Variants in CPNE4 observed in about 807,000 individuals in gnomAD.
CPNE4 encodes copine-4.
CPNE4 carries 25 observed loss-of-function variants against 67.9 expected under a neutral mutation model. That is an observed-to-expected ratio of 0.37 (90% confidence interval 0.27 to 0.51). The LOEUF (loss-of-function observed/expected upper bound fraction) is 0.51. CPNE4 is among the 20% of genes least tolerant of loss of function. The pLI is 0.93. For missense variants in CPNE4, 464 were observed against 690.8 expected, an observed-to-expected ratio of 0.67 and a Z score of 3.68; for synonymous variants, 242 against 244.9, an observed-to-expected ratio of 0.99 and a Z score of 0.11.
intron 2 of CPNE4, among the ~76,000 whole-genome samples, chr3:131,736,224 T>G (rs2082231378): frequency 6.6e-6 from 1 of 152,244 alleles, no homozygotes; most frequent in African/African-American, 2.4e-5. Context: ...CATCCACTCC[T>G]TCTGCCCTAT....
rs138682547 is a variant in CPNE4, at chr3:131,730,813, G to T, written c.181-7188C>A. On this transcript the variant is annotated intron_variant, in intron 2 of 15. Coordinates refer to ENST00000429747, the MANE Select transcript of CPNE4 (RefSeq NM_130808.3). ...AATTTCTTCCTAGTAACCCCAGAGAGAACCAGTTCTGCTGACATTCTGATG... is the reference window on the plus strand; with the variant it reads ...AATTTCTTCCTAGTAACCCCAGAGATAACCAGTTCTGCTGACATTCTGATG... Among the ~76,000 whole-genome samples, 388 of 152,236 alleles carry T rather than the reference G, an allele frequency of 2.5e-3. 2 individuals are homozygous for T. Among genetic ancestry groups the T allele is most frequent in the Non-Finnish European group, 4.7e-3 (323 of 68,018 alleles).
intron 1 of CPNE4, among the ~76,000 whole-genome samples, chr3:132,015,615 T>C (rs1219034459): frequency 6.6e-6 from 1 of 152,164 alleles, no homozygotes; most frequent in African/African-American, 2.4e-5. Flanking sequence ...GAAATGTGTA[T>C]CCTAAGCAGC....
intron 2 of CPNE4, among the ~76,000 whole-genome samples, chr3:131,848,015 T>C (rs1340595614): frequency 6.6e-6 from 1 of 152,208 alleles, no homozygotes; most frequent in Non-Finnish European, 1.5e-5. Flanking sequence ...AAGACTTGTA[T>C]GTCCACTTTT....
chr3:131,589,474 G>GT (rs1252832806), intron 7 of CPNE4, among the ~76,000 whole-genome samples: 22 of 152,194 alleles, frequency 1.4e-4, no homozygotes, highest in African/African-American at 5.3e-4. Context: ...CGATTGGATA[G>GT]TGCCCACCCA....
At chr3:131,977,506 A>G (rs903321139) in intron 1 of CPNE4, among the ~76,000 whole-genome samples, 1 of 152,024 alleles carries the variant, frequency 6.6e-6, no homozygotes, top group Non-Finnish European at 1.5e-5. Flanking sequence ...TTTGACAATC[A>G]CCCAAAAAAG....
At chr3:131,913,957 G>A (rs2089083577) in intron 1 of CPNE4, among the ~76,000 whole-genome samples, 1 of 152,176 alleles carries the variant, frequency 6.6e-6, no homozygotes, top group Admixed American at 6.6e-5. Flanking sequence ...CTCAATAAAT[G>A]CAAATTACTG....
At chr3:131,696,708 C>G in intron 4 of CPNE4, 92 bp from the exon 5 acceptor site, 1 of 1,131,018 alleles carries the variant, frequency 8.8e-7, no homozygotes, top group Non-Finnish European at 1.3e-6. Flanking sequence ...TGGTTCAAAA[C>G]TCAACAAAGA....
chr3:131,549,116 C>T (rs897993111), intron 14 of CPNE4, among the ~76,000 whole-genome samples: 2 of 152,058 alleles, frequency 1.3e-5, no homozygotes, highest in African/African-American at 2.4e-5. Context: ...GAGATGTGCT[C>T]AAGTACACAA....
At chr3:131,541,198 C>G (rs747981244) in intron 15 of CPNE4, among the ~76,000 whole-genome samples, 1 of 152,196 alleles carries the variant, frequency 6.6e-6, no homozygotes, top group Non-Finnish European at 1.5e-5. Flanking sequence ...CTAGACACAG[C>G]TAGGATACTC....
chr3:131,713,344 T>G (rs936711530), intron 3 of CPNE4, among the ~76,000 whole-genome samples: 1 of 152,172 alleles, frequency 6.6e-6, no homozygotes, highest in African/African-American at 2.4e-5. Context: ...ACCAGGTAGG[T>G]AGAATGATAC....
At chr3:131,557,648 AT>A (rs1349219550) in intron 11 of CPNE4, among the ~76,000 whole-genome samples, 1 of 152,066 alleles carries the variant, frequency 6.6e-6, no homozygotes, top group Non-Finnish European at 1.5e-5. Context: ...TCTAGCAGGT[AT>A]TAGATAAGGT....
At chr3:131,818,644 T>C (rs188616271) in intron 2 of CPNE4, among the ~76,000 whole-genome samples, 2 of 152,360 alleles carry the variant, frequency 1.3e-5, no homozygotes, top group African/African-American at 2.4e-5. Context: ...GCAAGATCTC[T>C]ATCTTGCATA....
intron 7 of CPNE4, among the ~76,000 whole-genome samples, chr3:131,664,486 T>C (rs1472766939): frequency 6.6e-6 from 1 of 152,236 alleles, no homozygotes; most frequent in East Asian, 1.9e-4. Flanking sequence ...TGAGAGACTT[T>C]CCTTTAGTGT....
chr3:131,720,284 GTTTT>G (rs60028328), intron 3 of CPNE4, among the ~76,000 whole-genome samples: 2 of 107,958 alleles, frequency 1.9e-5, no homozygotes, highest in Non-Finnish European at 4.0e-5. Context: ...ACAGGAATGG[GTTTT>G]TTTTTTTTTT....
At chr3:131,717,853 G>GCTCCCTTTCTTTCCTCCCTCC (rs144753413) in intron 3 of CPNE4, among the ~76,000 whole-genome samples, 2 of 81,160 alleles carry the variant, frequency 2.5e-5, no homozygotes, top group African/African-American at 7.0e-5. Flanking sequence ...TTCCTTCCTC[G>GCTCCCTTTCTTTCCTCCCTCC]CTCCCTCCTT....
At chr3:131,550,382 C>T (rs965783438) in intron 13 of CPNE4, among the ~76,000 whole-genome samples, 8 of 151,916 alleles carry the variant, frequency 5.3e-5, no homozygotes, top group Admixed American at 5.2e-4. Flanking sequence ...GATGTTATAC[C>T]CATTTTATAG....
At chr3:131,855,649 G>A (rs981532831) in intron 2 of CPNE4, among the ~76,000 whole-genome samples, 3 of 151,848 alleles carry the variant, frequency 2.0e-5, no homozygotes, top group African/African-American at 7.2e-5. Flanking sequence ...CTGGGCTCTG[G>A]AGTTTCTGTT....
At chr3:132,027,829 GATA>G (rs2074147317) in intron 1 of CPNE4, among the ~76,000 whole-genome samples, 1 of 18,160 alleles carries the variant, frequency 5.5e-5, no homozygotes, top group Non-Finnish European at 1.8e-4. Context: ...TGTCTTTAAT[GATA>G]ATGATAAAGT....
intron 3 of CPNE4, among the ~76,000 whole-genome samples, chr3:131,714,869 C>G (rs1028249158): frequency 7.9e-5 from 12 of 152,244 alleles, no homozygotes; most frequent in Admixed American, 3.3e-4. Context: ...CCTGACAGCC[C>G]AGGACTTCTT....
Sources: allele counts gnomAD v4.1 joint callset (sites outside exome capture counted in the v4.1 genomes callset), GRCh38; gene constraint gnomAD v4.1.1; transcripts MANE v1.5; gene names NCBI Gene and HGNC (gene_info 2026-07-23, HGNC 2026-07-21).